Variants in ADAM21 observed in about 807,000 individuals in gnomAD.
ADAM21 encodes ADAM metallopeptidase domain 21.
For missense variants in ADAM21, 678 were observed against 874.4 expected, an observed-to-expected ratio of 0.78 and a Z score of 2.83; for synonymous variants, 262 against 306.0, an observed-to-expected ratio of 0.86 and a Z score of 1.50.
In ADAM21 at chr14:70,459,071, T is replaced by C. The variant is rs759169117; in HGVS notation, c.1572T>C (p.Ser524=). 1 of 1,613,654 alleles carries C rather than the reference T, an allele frequency of 6.2e-7. No individual in the cohort carries two copies. The highest frequency in any genetic ancestry group is 8.5e-7 in the Non-Finnish European group (1 of 1,179,900). Residue 524 remains serine, a synonymous_variant, in exon 2 of 2, where the codon AGT becomes AGC. Transcript: ENST00000603540. ...CREIFGKDAK[S]ASQNCYKEIN... is the part of the protein sequence containing the mutation. ...AGATTTTTGGTAAAGATGCAAAAAG[T>C]GCATCTCAGAATTGCTATAAAGAAA...
intron 1 of ADAM21, among the ~76,000 whole-genome samples, chr14:70,453,081 C>T (rs1389725206): frequency 1.3e-5 from 2 of 151,724 alleles, no homozygotes; most frequent in African/African-American, 2.4e-5. Context: ...GAAAGAAATC[C>T]ACTTTATATT....
At chr14:70,455,531 A>G (rs1454056424) in intron 1 of ADAM21, among the ~76,000 whole-genome samples, 26 of 152,206 alleles carry the variant, frequency 1.7e-4, no homozygotes, top group Admixed American at 1.7e-3. Flanking sequence ...AAATATTAAA[A>G]GGTTGAAAAC....
rs1412451227 is a variant in ADAM21 at position 70,459,416 on chromosome 14, C to A, written c.1917C>A (p.Cys639Ter). The A allele has an allele frequency of 6.2e-7, 1 of 1,614,218 alleles. No individual in the cohort carries two copies. Among genetic ancestry groups the A allele is most frequent in the African/African-American group, 1.3e-5 (1 of 75,054 alleles). The change falls in exon 2 of 2, where the codon TGC (cysteine) becomes TGA (stop). Residue 639 changes from cysteine to a stop codon, truncating the protein, a stop_gained. Transcript: ENST00000603540. LOFTEE classifies it low-confidence loss of function (END_TRUNC). ...CACATGTCTGCCTTCCTGAGACCTG[C>A]AATATGAAGGGGATCTGCAATAACA... The part of the protein sequence containing the change: ...VLSHVCLPET[C>*]NMKGICNNKH...
chr14:70,455,410 G>A lies in ADAM21; in HGVS notation c.-151-1939G>A, dbSNP rs148912882. Among the ~76,000 whole-genome samples the A allele has an allele frequency of 2.6e-4, 39 of 152,224 alleles. 1 individual carries two copies. In the East Asian group the frequency reaches 6.9e-3, roughly 27 times the overall value. Reference sequence around the variant, plus strand: ...AATTAAGTTTTTGGGCCTGATGCACGTACAAGATGAGGGGCCCACTTTAAG... The same window carrying A: ...AATTAAGTTTTTGGGCCTGATGCACATACAAGATGAGGGGCCCACTTTAAG... On this transcript the variant is annotated intron_variant, in intron 1 of 1. Coordinates refer to ENST00000603540, the MANE Select transcript of ADAM21 (RefSeq NM_003813.4).
In ADAM21 at chr14:70,457,898, A is replaced by G; in HGVS notation, c.399A>G (p.Arg133=). ...VVFSACFGGF[R]GVLKISGLTY... is the part of the protein sequence containing the mutation. ...TCAGTGCTTGTTTTGGGGGCTTTCG[A>G]GGAGTATTAAAAATAAGTGGCCTCA... The change falls in exon 2 of 2, where the codon CGA becomes CGG. Residue 133 remains arginine (R), a synonymous_variant. Coordinates refer to ENST00000603540, the MANE Select transcript of ADAM21 (RefSeq NM_003813.4). The G allele has an allele frequency of 6.2e-7, 1 of 1,614,028 alleles. No homozygotes were observed. Among genetic ancestry groups the G allele is most frequent in the Non-Finnish European group, 8.5e-7 (1 of 1,180,018 alleles).
intron 1 of ADAM21, among the ~76,000 whole-genome samples, chr14:70,455,327 T>G (rs1284765933): frequency 6.6e-6 from 1 of 152,192 alleles, no homozygotes. Context: ...TTTTCCTTTT[T>G]GTTCTTATAA....
rs750216089 is a variant in ADAM21, at chr14:70,458,308, C to T, written c.809C>T (p.Thr270Ile). The change falls in exon 2 of 2, where the codon ACA becomes ATA. Residue 270 changes from threonine (T) to isoleucine (I), a missense_variant. By Grantham distance (89) the Thr-to-Ile change is moderately conservative. Coordinates refer to ENST00000603540, the MANE Select transcript of ADAM21 (RefSeq NM_003813.4). ...AATCAAGGAAATGTTTTCCCAATGA[C>T]AAGCATAGAACAGGTCCTGAACGAT... ...IWNQGNVFPM[T>I]SIEQVLNDFS... 10 of 1,614,080 alleles carry T rather than the reference C, an allele frequency of 6.2e-6. No individual in the cohort carries two copies. Among genetic ancestry groups the T allele is most frequent in the Non-Finnish European group, 8.5e-6 (10 of 1,180,030 alleles).
At chr14:70,456,788 G>T (rs1664490831) in intron 1 of ADAM21, among the ~76,000 whole-genome samples, 1 of 152,244 alleles carries the variant, frequency 6.6e-6, no homozygotes, top group Admixed American at 6.5e-5. Context: ...CATTACAGAG[G>T]ATACTAAAAT....
chr14:70,454,875 T>A (rs1468685575), intron 1 of ADAM21, among the ~76,000 whole-genome samples: 2 of 152,202 alleles, frequency 1.3e-5, no homozygotes, highest in Admixed American at 1.3e-4. Flanking sequence ...TAAGGGTGGT[T>A]GAAGAGACAT....
chr14:70,456,936 A>G (rs1377705956), intron 1 of ADAM21, among the ~76,000 whole-genome samples: 6 of 152,256 alleles, frequency 3.9e-5, no homozygotes, highest in Admixed American at 1.3e-4. Context: ...GCAACTTGAC[A>G]CAGAATTGTG....
chr14:70,456,604 GAAC>G (rs759743214), intron 1 of ADAM21, among the ~76,000 whole-genome samples: 3 of 152,192 alleles, frequency 2.0e-5, no homozygotes, highest in Non-Finnish European at 2.9e-5. Flanking sequence ...TAACTGGAGA[GAAC>G]AACATTATTC....
chr14:70,457,355 A>G lies in ADAM21; in HGVS notation c.-145A>G, dbSNP rs4143920. On this transcript the variant is annotated 5_prime_UTR_variant, in exon 2 of 2. Coordinates refer to ENST00000603540, the MANE Select transcript of ADAM21 (RefSeq NM_003813.4). ...TTTTTATTTTTACTTCCAGCACTGC[A>G]GTTCTGATCTAACTCTGCCAGGACA... The G allele has an allele frequency of 0.18, 215,997 of 1,199,374 alleles. 23,884 individuals carry two copies. Among genetic ancestry groups the G allele is most frequent in the East Asian group, 0.49 (20,178 of 41,170 alleles). The allele number at this position is 1,199,374 out of a possible 1,614,324, so 74.3% of individuals were successfully genotyped here. A position where few individuals can be genotyped will look rare whatever the true frequency, so the allele number is the denominator to read the frequency against.
chr14:70,457,343 T>G lies in ADAM21; in HGVS notation c.-151-6T>G. On this transcript the variant is annotated splice_polypyrimidine_tract_variant and splice_region_variant and intron_variant, in intron 1 of 1. Coordinates refer to ENST00000603540, the MANE Select transcript of ADAM21 (RefSeq NM_003813.4). ...TTCCAACCCATCTTTTTATTTTTACTTCCAGCACTGCAGTTCTGATCTAAC... is the reference window on the plus strand; with the variant it reads ...TTCCAACCCATCTTTTTATTTTTACGTCCAGCACTGCAGTTCTGATCTAAC... 1 of 1,085,054 alleles carries G rather than the reference T, an allele frequency of 9.2e-7. No individual in the cohort carries two copies. 67.2% of individuals were successfully genotyped at this position (1,085,054 alleles called of 1,614,324 possible).
Position 70,457,820 on chromosome 14 carries a change from T to A in ADAM21, c.321T>A (p.Asp107Glu). 5 of 1,613,654 alleles carry A rather than the reference T, an allele frequency of 3.1e-6. No individual in the cohort carries two copies. The highest frequency in any genetic ancestry group is 4.2e-6 in the Non-Finnish European group (5 of 1,179,886). Residue 107 changes from aspartate (D) to glutamate (E), a missense_variant, in exon 2 of 2, where the codon GAT becomes GAA. By Grantham distance (45) the Asp-to-Glu change is conservative. Transcript: ENST00000603540. ...ALLEDQLFIP[D>E]DCYYHGYVEA... ...TGGAGGATCAGCTCTTCATCCCAGATGACTGTTACTATCATGGTTACGTGG... is the reference window on the plus strand; with the variant it reads ...TGGAGGATCAGCTCTTCATCCCAGAAGACTGTTACTATCATGGTTACGTGG...
Position 70,457,454 on chromosome 14 carries a change from G to A in ADAM21, c.-46G>A. ...CCAGACCAGCAGTGCCTCACACCTT[G>A]TCCTCTTCTGCTCTGGACAGATGGC... On this transcript the variant is annotated 5_prime_UTR_variant, in exon 2 of 2. Coordinates refer to ENST00000603540, the MANE Select transcript of ADAM21 (RefSeq NM_003813.4). The A allele has an allele frequency of 6.2e-7, 1 of 1,606,872 alleles. No homozygotes were observed. Among genetic ancestry groups the A allele is most frequent in the Non-Finnish European group, 8.5e-7 (1 of 1,176,588 alleles).
rs769333084 is a variant in ADAM21, at chr14:70,457,794, C to T, written c.295C>T (p.Leu99=). ...CACCTACACAGATGACCGTGCACTCCTGGAGGATCAGCTCTTCATCCCAGA... is the reference window on the plus strand; with the variant it reads ...CACCTACACAGATGACCGTGCACTCTTGGAGGATCAGCTCTTCATCCCAGA... ...VFTYTDDRAL[L]EDQLFIPDDC... Residue 99 remains leucine (L), a synonymous_variant, in exon 2 of 2, where the codon CTG becomes TTG. Coordinates refer to ENST00000603540, the MANE Select transcript of ADAM21 (RefSeq NM_003813.4). 3 of 1,613,376 alleles carry T rather than the reference C, an allele frequency of 1.9e-6. No individual in the cohort carries two copies. Among genetic ancestry groups the T allele is most frequent in the Admixed American group, 1.7e-5 (1 of 59,968 alleles).
At chr14:70,457,179 G>A (rs569739748) in intron 1 of ADAM21, among the ~76,000 whole-genome samples, 170 bp from the exon 2 acceptor site, 132 of 152,150 alleles carry the variant, frequency 8.7e-4, no homozygotes, top group African/African-American at 3.1e-3. Flanking sequence ...TTATCACCAC[G>A]TGGCCAATGT....
intron 1 of ADAM21, among the ~76,000 whole-genome samples, chr14:70,454,529 T>C (rs1218312527): frequency 6.6e-6 from 1 of 152,184 alleles, no homozygotes; most frequent in Non-Finnish European, 1.5e-5. Flanking sequence ...TGGGGGATGA[T>C]GAAAGAAAAG....
At position 70,459,543 on chromosome 14, in the gene ADAM21, GT is replaced by G. The variant is rs546931496; in HGVS notation, c.2051del (p.Leu684CysfsTer3). The G allele has an allele frequency of 7.4e-6, 12 of 1,614,154 alleles. No homozygotes were observed. Among genetic ancestry groups the G allele is most frequent in the African/African-American group, 2.7e-5 (2 of 75,054 alleles). On this transcript the variant is annotated frameshift_variant, in exon 2 of 2. Coordinates refer to ENST00000603540, the MANE Select transcript of ADAM21 (RefSeq NM_003813.4). LOFTEE classifies it low-confidence loss of function (END_TRUNC). ...DSGPASAKRG[V>X]FLPLIVIPSL... Reference sequence around the variant, plus strand: ...TGGCCCAGCATCTGCAAAGAGAGGAGTTTTTTTGCCGCTGATTGTGATTCCT... The same window carrying G: ...TGGCCCAGCATCTGCAAAGAGAGGAGTTTTTTGCCGCTGATTGTGATTCCT...
Sources: allele counts gnomAD v4.1 joint callset (sites outside exome capture counted in the v4.1 genomes callset), GRCh38; gene constraint gnomAD v4.1.1; transcripts MANE v1.5; gene names NCBI Gene and HGNC (gene_info 2026-07-23, HGNC 2026-07-21).